The following FHIP2B variants were observed in gnomAD, a reference collection of about 807,000 sequenced individuals.
FHIP2B encodes the protein FHF complex subunit HOOK-interacting protein 2B.
Under a neutral mutation model 84.0 loss-of-function variants are expected in FHIP2B, and 72 were observed. The ratio of observed to expected loss-of-function variants is 0.86; its 90% confidence interval spans 0.71 to 1.04. FHIP2B has a LOEUF of 1.04. Among genes scored for constraint, FHIP2B ranks in the 50% least tolerant of loss-of-function variants. The pLI, the probability that FHIP2B is intolerant of heterozygous loss-of-function variation, is 0.00. For missense variants in FHIP2B, 972 were observed against 968.9 expected (o/e 1.00, Z -0.04); for synonymous variants, 497 against 418.7 (o/e 1.19, Z -2.28).
At chr8:22,099,590 A>C (rs1825987117) in intron 9 of FHIP2B, 114 bp from the exon 10 acceptor site, 1 of 1,298,604 alleles carries the variant, frequency 7.7e-7, no homozygotes, top group Non-Finnish European at 1.0e-6. Context: ...GGGATGGGCA[A>C]GTGACCACAG....
Position 22,093,851 on chromosome 8 carries a change from G to C in FHIP2B, c.46-589G>C, listed in dbSNP as rs548592961. ...TCGCACCCCAGCCTCCCAAGTAGCT[G>C]GGACTATAGGCAGACACCACCACGT... is the stretch of plus-strand genomic sequence containing the variant. On this transcript the variant is annotated intron_variant, in intron 1 of 16. Transcript: ENST00000289921. Among the ~76,000 whole-genome samples, 43 of 150,738 alleles carry C rather than the reference G, an allele frequency of 2.9e-4. No homozygotes were observed. The East Asian group carries it at 7.3e-3, about 26-fold the overall frequency.
intron 6 of FHIP2B, 22 bp downstream of exon 6, chr8:22,098,332 A>C: frequency 2.9e-6 from 1 of 346,928 alleles, no homozygotes; most frequent in Non-Finnish European, 4.3e-6. Flanking sequence ...AGAGATGGAG[A>C]GGTTGGGGGT....
At chr8:22,092,918 C>T (rs561270501) in intron 1 of FHIP2B, among the ~76,000 whole-genome samples, 13 of 152,286 alleles carry the variant, frequency 8.5e-5, no homozygotes, top group African/African-American at 2.4e-4. Context: ...TTATTCAATG[C>T]GGTTTTATAT....
chr8:22,097,283 G>C (rs1051152554), intron 3 of FHIP2B, among the ~76,000 whole-genome samples: 1 of 151,942 alleles, frequency 6.6e-6, no homozygotes, highest in Non-Finnish European at 1.5e-5. Flanking sequence ...TGTTCCAGGT[G>C]GGGGACACAG....
chr8:22,096,673 C>G (rs557388987), intron 3 of FHIP2B, 164 bp downstream of exon 3: 1 of 980,314 alleles, frequency 1.0e-6, no homozygotes, highest in South Asian at 2.0e-5. Context: ...CAGCCTGGGG[C>G]TCCCTGGATT....
Position 22,102,300 on chromosome 8 carries a change from C to T in FHIP2B, c.1977C>T (p.Phe659=). 1 of 1,612,714 alleles carries T rather than the reference C, an allele frequency of 6.2e-7. No individual in the cohort carries two copies. The highest frequency in any genetic ancestry group is 8.5e-7 in the Non-Finnish European group (1 of 1,179,854). The part of the protein sequence containing the change: ...ISLAPGCRSL[F]SVLVRVIGDL... ...TGGCCCCCGGCTGCAGGAGCCTATT[C>T]TCCGTGTTGGTGAGGGTGAGGACGC... Residue 659 remains phenylalanine (F), a synonymous_variant, in exon 15 of 17, where the codon TTC becomes TTT. Transcript: ENST00000289921.
intron 1 of FHIP2B, chr8:22,089,665 A>G (rs979108995): frequency 1.5e-5 from 12 of 785,964 alleles, no homozygotes; most frequent in Admixed American, 1.5e-4. Context: ...GCCTCCCCCC[A>G]GTCCCGGTGG....
intron 13 of FHIP2B, 23 bp from the exon 14 acceptor site, chr8:22,101,685 C>G (rs763809597): frequency 6.3e-7 from 1 of 1,596,626 alleles, no homozygotes; most frequent in South Asian, 1.1e-5. Context: ...GGCCCACTGC[C>G]TCTACTTTCC....
intron 8 of FHIP2B, 62 bp from the exon 9 acceptor site, chr8:22,099,222 C>T (rs376698794): frequency 2.8e-5 from 45 of 1,588,684 alleles, no homozygotes; most frequent in South Asian, 5.7e-5. Context: ...CGCAAGAACA[C>T]GGTTATTTCT....
At chr8:22,089,867 G>A in intron 1 of FHIP2B, 1 of 1,267,724 alleles carries the variant, frequency 7.9e-7, no homozygotes. Flanking sequence ...AAAGACCCGG[G>A]GCAGGCTGGT....
intron 12 of FHIP2B, 57 bp from the exon 13 acceptor site, chr8:22,101,383 A>T (rs1389473278): frequency 7.1e-7 from 1 of 1,415,900 alleles, no homozygotes; most frequent in Non-Finnish European, 9.8e-7. Flanking sequence ...GGGGTCCCAC[A>T]AGCAGGGGAG....
intron 10 of FHIP2B, chr8:22,100,348 G>C: frequency 2.3e-6 from 1 of 440,720 alleles, no homozygotes; most frequent in Non-Finnish European, 3.9e-6. Flanking sequence ...GGAAAGTAAG[G>C]CACGGAGAAG....
At chr8:22,097,281 G>C (rs1442650398) in intron 3 of FHIP2B, among the ~76,000 whole-genome samples, 3 of 152,162 alleles carry the variant, frequency 2.0e-5, no homozygotes, top group South Asian at 2.1e-4. Flanking sequence ...AGTGTTCCAG[G>C]TGGGGGACAC....
intron 14 of FHIP2B, 140 bp from the exon 15 acceptor site, chr8:22,102,035 C>T: frequency 1.3e-6 from 2 of 1,539,666 alleles, no homozygotes; most frequent in African/African-American, 1.4e-5. Flanking sequence ...CCCTCAGCCC[C>T]ATGGAATCCA....
At chr8:22,095,679 G>A (rs1489772594) in intron 2 of FHIP2B, 4 of 152,220 alleles carry the variant, frequency 2.6e-5, no homozygotes, top group African/African-American at 4.8e-5. Context: ...TCAAGCTCCT[G>A]TTCCTTAAAG....
At chr8:22,092,515 A>C (rs979971899) in intron 1 of FHIP2B, among the ~76,000 whole-genome samples, 1 of 149,494 alleles carries the variant, frequency 6.7e-6, no homozygotes, top group East Asian at 2.0e-4. Context: ...CGGAGGTTAC[A>C]GTGAGCTGAG....
Position 22,102,793 on chromosome 8 carries a change from G to T in FHIP2B, c.2094G>T (p.Gln698His). Reference sequence around the variant, plus strand: ...TGCCCCCTGTGCCATCTCCCCTCAGGCTGGACCACCAGACCCTCCTCCAGG... The same window carrying T: ...TGCCCCCTGTGCCATCTCCCCTCAGTCTGGACCACCAGACCCTCCTCCAGG... Reference protein sequence around the residue: ...KQLTGQAPGEQLDHQTLLQGV... With the variant: ...KQLTGQAPGEHLDHQTLLQGV... The change falls in exon 17 of 17, where the codon CAG becomes CAT. Residue 698 changes from glutamine to histidine, a missense_variant and splice_region_variant. Coordinates refer to ENST00000289921, the MANE Select transcript of FHIP2B (RefSeq NM_022749.7). 6.2e-7 allele frequency: 1 copy of T among 1,613,134 alleles called. No individual in the cohort carries two copies. Among genetic ancestry groups the T allele is most frequent in the Non-Finnish European group, 8.5e-7 (1 of 1,179,662 alleles).
intron 9 of FHIP2B, 142 bp from the exon 10 acceptor site, chr8:22,099,562 C>A: frequency 7.1e-6 from 8 of 1,125,394 alleles, no homozygotes; most frequent in Non-Finnish European, 9.9e-6. Context: ...TCCTACCCTT[C>A]CCTGCAGGAC....
chr8:22,100,526 C>T, intron 10 of FHIP2B, 68 bp from the exon 11 acceptor site: 1 of 1,460,290 alleles, frequency 6.8e-7, no homozygotes, highest in Non-Finnish European at 9.0e-7. Context: ...TCTGGGTTAG[C>T]CATGCCAAGG....
Sources: allele counts gnomAD v4.1 joint callset (sites outside exome capture counted in the v4.1 genomes callset), GRCh38; gene constraint gnomAD v4.1.1; transcripts MANE v1.5; gene names NCBI Gene and HGNC (gene_info 2026-07-23, HGNC 2026-07-21).